CNTN3: variants seen among roughly 807,000 people sequenced by gnomAD.
CNTN3 encodes the protein contactin 3.
In CNTN3, 60 loss-of-function variants were observed where a neutral mutation model predicts 119.1. The observed-to-expected ratio is 0.50, with a 90% CI of 0.41 to 0.62. The LOEUF (loss-of-function observed/expected upper bound fraction) is 0.62, where lower values mean the gene tolerates loss of function less well. Ranked by LOEUF, CNTN3 falls within the 20% of genes least tolerant of loss-of-function variation. The pLI is 0.00. For missense variants in CNTN3, 1,101 were observed against 1,242.4 expected (o/e 0.89, Z 1.71); for synonymous variants, 450 against 438.7 (o/e 1.03, Z -0.32).
chr3:74,485,692 G>A (rs893423218), intron 4 of CNTN3, among the ~76,000 whole-genome samples: 4 of 151,388 alleles, frequency 2.6e-5, no homozygotes, highest in African/African-American at 7.3e-5. Context: ...ATCATGATAT[G>A]CATTATGTAC....
chr3:74,551,754 CTTTTTTTTTTTTTT>C (rs776621925), intron 1 of CNTN3, among the ~76,000 whole-genome samples: 5 of 60,204 alleles, frequency 8.3e-5, no homozygotes, highest in East Asian at 1.3e-3. Flanking sequence ...TCTTCTTCTT[CTTTTTTTTTTTTTT>C]TTTTTTTTTT....
chr3:74,543,113 G>T (rs922474261), intron 1 of CNTN3, among the ~76,000 whole-genome samples: 2 of 151,944 alleles, frequency 1.3e-5, no homozygotes, highest in Admixed American at 1.3e-4. Context: ...CTGGGCAACT[G>T]AGCAAGACCT....
intron 4 of CNTN3, among the ~76,000 whole-genome samples, chr3:74,469,206 C>G (rs1435652337): frequency 2.0e-5 from 3 of 152,084 alleles, no homozygotes; most frequent in Non-Finnish European, 2.9e-5. Context: ...AGGCTCCCAT[C>G]TAGTAGTGGA....
At chr3:74,585,924 T>C (rs1559668414) in intron 1 of CNTN3, among the ~76,000 whole-genome samples, 7 of 152,160 alleles carry the variant, frequency 4.6e-5, no homozygotes, top group Admixed American at 6.6e-5. Flanking sequence ...ATTTCAACTT[T>C]CCACAGAGGC....
At chr3:74,542,617 T>C (rs1559651419) in intron 1 of CNTN3, among the ~76,000 whole-genome samples, 1 of 152,200 alleles carries the variant, frequency 6.6e-6, no homozygotes, top group Non-Finnish European at 1.5e-5. Flanking sequence ...TACTAGATAA[T>C]ATGATGAATG....
At chr3:74,401,793 C>T (rs2106850945) in intron 5 of CNTN3, among the ~76,000 whole-genome samples, 1 of 152,194 alleles carries the variant, frequency 6.6e-6, no homozygotes, top group African/African-American at 2.4e-5. Context: ...TCACATTTCC[C>T]CCACTCTCAC....
At chr3:74,446,120 T>C (rs189177044) in intron 4 of CNTN3, among the ~76,000 whole-genome samples, 5 of 152,296 alleles carry the variant, frequency 3.3e-5, no homozygotes, top group Admixed American at 2.6e-4. Flanking sequence ...CTTGAGTCCA[T>C]GATCTGATGC....
chr3:74,307,370 A>G (rs1469336266), intron 13 of CNTN3, among the ~76,000 whole-genome samples: 1 of 152,192 alleles, frequency 6.6e-6, no homozygotes, highest in Admixed American at 6.6e-5. Flanking sequence ...TTATTTGTCC[A>G]TCTAATCACA....
chr3:74,577,164 G>A (rs984673114), intron 1 of CNTN3, among the ~76,000 whole-genome samples: 16 of 152,156 alleles, frequency 1.1e-4, no homozygotes, highest in African/African-American at 3.9e-4. Context: ...TAGGAAAAAT[G>A]CCATTCAGGG....
chr3:74,557,491 G>T (rs985539433), intron 1 of CNTN3, among the ~76,000 whole-genome samples: 19 of 152,260 alleles, frequency 1.2e-4, no homozygotes, highest in African/African-American at 4.3e-4. Flanking sequence ...ATATAGTGCT[G>T]TGTCTTCAAC....
At chr3:74,450,043 C>T (rs540976511) in intron 4 of CNTN3, among the ~76,000 whole-genome samples, 1 of 152,148 alleles carries the variant, frequency 6.6e-6, no homozygotes, top group South Asian at 2.1e-4. Context: ...CCTATCCTCC[C>T]AATAGCCCTT....
chr3:74,545,330 T>C (rs182474005), intron 1 of CNTN3, among the ~76,000 whole-genome samples: 1 of 152,300 alleles, frequency 6.6e-6, no homozygotes, highest in Admixed American at 6.5e-5. Context: ...TTTCTGAAGA[T>C]ATTTATGCTG....
intron 1 of CNTN3, among the ~76,000 whole-genome samples, chr3:74,528,228 T>C (rs907545246): frequency 2.0e-5 from 3 of 151,868 alleles, no homozygotes; most frequent in African/African-American, 7.2e-5. Context: ...CCTTGTACGA[T>C]AATGAAGAAT....
At chr3:74,320,328 C>G (rs997636808) in intron 13 of CNTN3, among the ~76,000 whole-genome samples, 1 of 152,144 alleles carries the variant, frequency 6.6e-6, no homozygotes, top group Non-Finnish European at 1.5e-5. Flanking sequence ...TCATGGAATA[C>G]TATGCAGCCA....
At chr3:74,452,727 A>T (rs78794877) in intron 4 of CNTN3, among the ~76,000 whole-genome samples, 1 of 139,582 alleles carries the variant, frequency 7.2e-6, no homozygotes, top group African/African-American at 2.7e-5. Flanking sequence ...TAGCATGAAG[A>T]GTTGTTGAAT....
chr3:74,391,297 T>G (rs2106828872), intron 5 of CNTN3, among the ~76,000 whole-genome samples: 1 of 148,980 alleles, frequency 6.7e-6, no homozygotes, highest in South Asian at 2.1e-4. Flanking sequence ...CTAGTAAATG[T>G]TTGTTTACTA....
At chr3:74,607,080 G>A (rs973182963) in intron 1 of CNTN3, among the ~76,000 whole-genome samples, 1 of 152,040 alleles carries the variant, frequency 6.6e-6, no homozygotes, top group African/African-American at 2.4e-5. Context: ...ATAAATAGAA[G>A]CCCTAGTAAG....
intron 5 of CNTN3, among the ~76,000 whole-genome samples, chr3:74,375,780 C>G (rs1447994925): frequency 6.6e-6 from 1 of 152,166 alleles, no homozygotes; most frequent in Non-Finnish European, 1.5e-5. Flanking sequence ...GCAACATAGG[C>G]CTGCCAATTT....
intron 5 of CNTN3, among the ~76,000 whole-genome samples, chr3:74,382,430 CAT>C (rs1291595710): frequency 1.3e-5 from 2 of 152,014 alleles, no homozygotes; most frequent in African/African-American, 4.8e-5. Context: ...CTACGGTCAC[CAT>C]ACAGTTCCAT....
Sources: gnomAD v4.1 joint callset for allele counts (sites outside exome capture counted in the v4.1 genomes callset) on GRCh38, gnomAD v4.1.1 for gene constraint, MANE v1.5 for transcripts, NCBI Gene and HGNC (gene_info 2026-07-23, HGNC 2026-07-21) for gene names.